Variants in ADAMTSL1 observed in about 807,000 individuals in gnomAD.
The protein encoded by ADAMTSL1 is ADAMTS-like protein 1.
ADAMTSL1 carries 126 observed loss-of-function variants against 201.8 expected under a neutral mutation model. The ratio of observed to expected loss-of-function variants is 0.62; its 90% CI spans 0.54 to 0.72. ADAMTSL1 has a LOEUF of 0.72. Ranked by LOEUF, ADAMTSL1 falls within the 30% of genes least tolerant of loss-of-function variation. ADAMTSL1 has a pLI of 0.00. For missense variants in ADAMTSL1, 2,679 were observed against 2,277.8 expected, an observed-to-expected ratio of 1.18 and a Z score of -3.59; for synonymous variants, 1,121 against 903.4, an observed-to-expected ratio of 1.24 and a Z score of -4.32.
intron 16 of ADAMTSL1, among the ~76,000 whole-genome samples, chr9:18,758,739 C>T (rs967172428): frequency 3.3e-5 from 5 of 152,166 alleles, no homozygotes; most frequent in African/African-American, 1.2e-4. Context: ...TCAGTAAAGA[C>T]CCTTTTATGC....
chr9:18,324,748 G>T (rs1554659681), intron 2 of ADAMTSL1, among the ~76,000 whole-genome samples: 1 of 147,830 alleles, frequency 6.8e-6, no homozygotes, highest in Non-Finnish European at 1.5e-5. Flanking sequence ...TGGGCAACAA[G>T]AGCGAAACTC....
At chr9:18,147,342 G>GA (rs1178969977) in intron 1 of ADAMTSL1, among the ~76,000 whole-genome samples, 1 of 152,044 alleles carries the variant, frequency 6.6e-6, no homozygotes, top group Non-Finnish European at 1.5e-5. Flanking sequence ...AGTTAATCAG[G>GA]AAAAAAGGTG....
At chr9:17,950,741 A>G (rs1468415800) in intron 1 of ADAMTSL1, among the ~76,000 whole-genome samples, 1 of 152,102 alleles carries the variant, frequency 6.6e-6, no homozygotes, top group Admixed American at 6.6e-5. Context: ...TCACAACTGA[A>G]AACAGATGGC....
chr9:18,386,273 A>G (rs1034509597), intron 2 of ADAMTSL1, among the ~76,000 whole-genome samples: 1 of 152,184 alleles, frequency 6.6e-6, no homozygotes, highest in Admixed American at 6.6e-5. Flanking sequence ...AAAGGGCAAC[A>G]AAACGACAAA....
At position 17,950,753 on chromosome 9, in the gene ADAMTSL1, C is replaced by T. The variant is rs544028216; in HGVS notation, c.87+43831C>T. Among the ~76,000 whole-genome samples, 14 of 152,086 alleles carry T rather than the reference C, an allele frequency of 9.2e-5. No individual in the cohort carries two copies. The South Asian group carries it at 1.0e-3, about 11-fold the overall frequency. On this transcript the variant is annotated intron_variant, in intron 1 of 29. Coordinates refer to the ADAMTSL1 transcript ENST00000680146. ...GAGTCACAACTGAAAACAGATGGCA[C>T]GGCACACTCATGCTGGGTAACTGGG...
intron 2 of ADAMTSL1, among the ~76,000 whole-genome samples, chr9:18,337,072 C>G (rs191516325): frequency 4.1e-4 from 62 of 152,048 alleles, no homozygotes; most frequent in Admixed American, 1.3e-3. Context: ...AGGGTGTTGC[C>G]CAAGGAGATT....
intron 20 of ADAMTSL1, among the ~76,000 whole-genome samples, chr9:18,816,374 T>C (rs956085031): frequency 6.6e-6 from 1 of 152,126 alleles, no homozygotes; most frequent in African/African-American, 2.4e-5. Flanking sequence ...GTAGCTGGGA[T>C]TACAGGTGCA....
At chr9:18,441,102 A>C (rs1323098779) in intron 2 of ADAMTSL1, among the ~76,000 whole-genome samples, 1 of 152,164 alleles carries the variant, frequency 6.6e-6, no homozygotes, top group Non-Finnish European at 1.5e-5. Context: ...ATTTGTAGTT[A>C]ATGTTCAAAA....
chr9:18,795,046 A>C (rs1822317343), intron 19 of ADAMTSL1, among the ~76,000 whole-genome samples: 1 of 152,010 alleles, frequency 6.6e-6, no homozygotes. Context: ...GCCTTCCCCA[A>C]ATCTATCTGT....
At chr9:18,555,252 G>A (rs1263315185) in intron 3 of ADAMTSL1, among the ~76,000 whole-genome samples, 1 of 151,846 alleles carries the variant, frequency 6.6e-6, no homozygotes, top group African/African-American at 2.4e-5. Context: ...AGAATGGAAA[G>A]TTCAACACCA....
At chr9:18,259,341 A>G (rs1250413298) in intron 2 of ADAMTSL1, among the ~76,000 whole-genome samples, 1 of 152,050 alleles carries the variant, frequency 6.6e-6, no homozygotes, top group Non-Finnish European at 1.5e-5. Flanking sequence ...CCTGGGCGAC[A>G]CGGTGAAACC....
chr9:18,080,959 T>C (rs1310898119), intron 1 of ADAMTSL1, among the ~76,000 whole-genome samples: 3 of 152,246 alleles, frequency 2.0e-5, no homozygotes, highest in Non-Finnish European at 4.4e-5. Flanking sequence ...TATGCATTTG[T>C]GAGTCAACTT....
In ADAMTSL1 at chr9:18,892,346, C is replaced by T. The variant is rs76107790; in HGVS notation, c.4644-43C>T. On this transcript the variant is annotated intron_variant, in intron 25 of 28. Coordinates refer to ENST00000380548, the MANE Select transcript of ADAMTSL1 (RefSeq NM_001040272.6). ...GGGAGGAGGTCTCTTTTCCCCAGGG[C>T]CTGTCCCTTTAGGGCTCTCCTGACA... 799 of 1,576,086 alleles carry T rather than the reference C, an allele frequency of 5.1e-4. 4 individuals are homozygous for T. The African/African-American group carries it at 9.6e-3, about 19-fold the overall frequency.
At chr9:18,117,738 C>T (rs1825317104) in intron 1 of ADAMTSL1, among the ~76,000 whole-genome samples, 1 of 152,220 alleles carries the variant, frequency 6.6e-6, no homozygotes, top group Non-Finnish European at 1.5e-5. Flanking sequence ...CTCAATGAAA[C>T]ATCCTAAGAA....
intron 2 of ADAMTSL1, among the ~76,000 whole-genome samples, chr9:18,186,299 A>C (rs1229967185): frequency 6.6e-6 from 1 of 152,180 alleles, no homozygotes; most frequent in Non-Finnish European, 1.5e-5. Context: ...ATTTTTAAAA[A>C]AGCACAAAAC....
chr9:18,500,349 G>A (rs372683482), intron 1 of ADAMTSL1, among the ~76,000 whole-genome samples: 3 of 152,308 alleles, frequency 2.0e-5, no homozygotes, highest in African/African-American at 4.8e-5. Flanking sequence ...TTTGTAGGAG[G>A]CATATAATGA....
intron 26 of ADAMTSL1, among the ~76,000 whole-genome samples, chr9:18,896,330 T>C (rs1002946102): frequency 2.6e-5 from 4 of 152,136 alleles, no homozygotes; most frequent in South Asian, 2.1e-4. Flanking sequence ...AAGCAACTCA[T>C]TGTGTACAAG....
chr9:18,571,122 A>T (rs1298127914), intron 3 of ADAMTSL1, among the ~76,000 whole-genome samples: 1 of 152,226 alleles, frequency 6.6e-6, no homozygotes, highest in Non-Finnish European at 1.5e-5. Context: ...TTTATTGAAC[A>T]GAGGGGAATC....
At chr9:18,708,711 C>G (rs1832375776) in intron 14 of ADAMTSL1, among the ~76,000 whole-genome samples, 1 of 152,158 alleles carries the variant, frequency 6.6e-6, no homozygotes, top group Non-Finnish European at 1.5e-5. Flanking sequence ...ATCATTATTT[C>G]TAGTCTAAGA....
Sources: allele counts gnomAD v4.1 joint callset (sites outside exome capture counted in the v4.1 genomes callset), GRCh38; gene constraint gnomAD v4.1.1; transcripts MANE v1.5; gene names NCBI Gene and HGNC (gene_info 2026-07-23, HGNC 2026-07-21).